Variants in RFTN1 observed in about 807,000 individuals in gnomAD.
RFTN1 encodes raftlin, lipid raft linker 1.
A neutral mutation model predicts 46.5 loss-of-function variants in RFTN1; 26 were observed. The observed-to-expected ratio is 0.56, with a 90% confidence interval of 0.41 to 0.78. The LOEUF is 0.78. Among genes scored for constraint, RFTN1 ranks in the 30% least tolerant of loss-of-function variants. RFTN1 has a pLI of 0.00. For synonymous variants in RFTN1, 261 were observed against 284.2 expected (o/e 0.92, Z 0.82); for missense variants, 693 against 718.7 (o/e 0.96, Z 0.41).
chr3:16,351,080 T>TTATG lies in RFTN1; in HGVS notation c.1146+6848_1146+6851dup, dbSNP rs1385956266. ...GTGTTATTACACAGGATTCACAGGA[T>TTATG]TATGAGACAGGGTTACAGGCCAGAG... On this transcript the variant is annotated intron_variant, in intron 7 of 9. Coordinates refer to ENST00000334133, the MANE Select transcript of RFTN1 (RefSeq NM_015150.2). The surrounding 1 kb of genome is among the most constrained non-coding windows in gnomAD (Gnocchi z 5.4). Among the ~76,000 whole-genome samples, 2 of 152,162 alleles carry TTATG rather than the reference T, an allele frequency of 1.3e-5. No homozygotes were observed. The highest frequency in any genetic ancestry group is 4.8e-5 in the African/African-American group (2 of 41,438).
rs1291550064 is a variant in RFTN1 at position 16,428,427 on chromosome 3, C to T, written c.332+5424G>A. Among the ~76,000 whole-genome samples the T allele has an allele frequency of 6.6e-6, 1 of 152,336 alleles. No homozygotes were observed. The highest frequency in any genetic ancestry group is 1.9e-4 in the East Asian group (1 of 5,190). On this transcript the variant is annotated intron_variant, in intron 3 of 9. Coordinates refer to ENST00000334133, the MANE Select transcript of RFTN1 (RefSeq NM_015150.2). This position sits in a 1 kb window ranked among gnomAD's most constrained non-coding sequence, Gnocchi z 4.7. ...CAGGTAGAGAGATGCCACAGTATTACATTTTATATGCACTTCAAAAGATTT... is the reference window on the plus strand; with the variant it reads ...CAGGTAGAGAGATGCCACAGTATTATATTTTATATGCACTTCAAAAGATTT...
rs2076696389 is a variant in RFTN1, at chr3:16,500,671, T to G, written c.-8-6794A>C. Among the ~76,000 whole-genome samples, 1 of 152,344 alleles carries G rather than the reference T, an allele frequency of 6.6e-6. No homozygotes were observed. Among genetic ancestry groups the G allele is most frequent in the Non-Finnish European group, 1.5e-5 (1 of 68,026 alleles). ...GAATGGTGATCTTCTGGAAAAAATT[T>G]TGGCTGAATCAAACCTTAAGTGGGA... On this transcript the variant is annotated intron_variant, in intron 1 of 9. Coordinates refer to ENST00000334133, the MANE Select transcript of RFTN1 (RefSeq NM_015150.2). This position sits in a 1 kb window ranked among gnomAD's most constrained non-coding sequence, Gnocchi z 5.9.
At position 16,370,985 on chromosome 3, in the gene RFTN1, C is replaced by A. The variant is rs1329993712; in HGVS notation, c.827-706G>T. 3 of 152,220 alleles carry A rather than the reference C, an allele frequency of 2.0e-5. No homozygotes were observed. The highest frequency in any genetic ancestry group is 4.4e-5 in the Non-Finnish European group (3 of 68,052). The allele number at this position is 152,220 out of a possible 1,614,324, so 9.4% of individuals were successfully genotyped here. ...TAATCACTGCCACCCAGCAGCTGAG[C>A]CGCAACTGCCTACGTGCAGCTGGGC... On this transcript the variant is annotated intron_variant, in intron 5 of 9. Transcript: ENST00000334133. The surrounding 1 kb of genome is among the most constrained non-coding windows in gnomAD (Gnocchi z 5.5).
At chr3:16,328,603 G>T (rs777504567) in intron 7 of RFTN1, among the ~76,000 whole-genome samples, 1 of 152,186 alleles carries the variant, frequency 6.6e-6, no homozygotes, top group Admixed American at 6.5e-5. Flanking sequence ...GGTCTATGTC[G>T]GTTCCCAAAG....
intron 4 of RFTN1, among the ~76,000 whole-genome samples, chr3:16,399,451 T>G (rs1438133199): frequency 6.6e-6 from 1 of 152,180 alleles, no homozygotes; most frequent in East Asian, 1.9e-4. Context: ...CAATAGCTGT[T>G]TCTGACATTA....
chr3:16,465,285 A>G lies in RFTN1; in HGVS notation c.145+28440T>C, dbSNP rs9861696. Among the ~76,000 whole-genome samples the G allele has an allele frequency of 0.18, 27,264 of 151,788 alleles. 2,766 individuals are homozygous for G. Among genetic ancestry groups the G allele is most frequent in the East Asian group, 0.26 (1,345 of 5,162 alleles). On this transcript the variant is annotated intron_variant, in intron 2 of 9. Transcript: ENST00000334133. The surrounding 1 kb of genome is among the most constrained non-coding windows in gnomAD (Gnocchi z 5.1). ...TTGTTGTTGTTCAGAAAATGAACATATAAGGAAGAAAAATGAGAAGTATCC... is the reference window on the plus strand; with the variant it reads ...TTGTTGTTGTTCAGAAAATGAACATGTAAGGAAGAAAAATGAGAAGTATCC...
intron 4 of RFTN1, among the ~76,000 whole-genome samples, chr3:16,406,303 TG>T (rs1353127692): frequency 6.6e-6 from 1 of 152,210 alleles, no homozygotes; most frequent in African/African-American, 2.4e-5. Context: ...TCATGGCAAC[TG>T]GACTAGAAAC....
rs2075919831 is a variant in RFTN1 at position 16,457,004 on chromosome 3, T to G, written c.146-22967A>C. Among the ~76,000 whole-genome samples, 2 of 149,950 alleles carry G rather than the reference T, an allele frequency of 1.3e-5. No homozygotes were observed. Among genetic ancestry groups the G allele is most frequent in the South Asian group, 4.2e-4 (2 of 4,726 alleles). ...CTGTGTATTATGTGTCAATAAAAAG[T>G]TTTTTTTTTAAATGACAGATGCCAT... On this transcript the variant is annotated intron_variant, in intron 2 of 9. Transcript: ENST00000334133. This position sits in a 1 kb window ranked among gnomAD's most constrained non-coding sequence, Gnocchi z 4.2.
At position 16,489,204 on chromosome 3, in the gene RFTN1, G is replaced by T. The variant is rs1312385010; in HGVS notation, c.145+4521C>A. On this transcript the variant is annotated intron_variant, in intron 2 of 9. Coordinates refer to ENST00000334133, the MANE Select transcript of RFTN1 (RefSeq NM_015150.2). This position sits in a 1 kb window ranked among gnomAD's most constrained non-coding sequence, Gnocchi z 4.0. ...AAGCTGAGGCAGGCAGATCACCTGA[G>T]ATCAGGAGTTCGAGACCAGCCTGGC... is the stretch of plus-strand genomic sequence containing the variant. Among the ~76,000 whole-genome samples, 1 of 152,208 alleles carries T rather than the reference G, an allele frequency of 6.6e-6. No homozygotes were observed. Among genetic ancestry groups the T allele is most frequent in the Non-Finnish European group, 1.5e-5 (1 of 68,048 alleles).
chr3:16,497,440 A>T (rs1234746821), intron 1 of RFTN1, among the ~76,000 whole-genome samples: 1 of 152,240 alleles, frequency 6.6e-6, no homozygotes, highest in Admixed American at 6.5e-5. Flanking sequence ...AGAAGGCGAA[A>T]GGACTCTTCT....
intron 2 of RFTN1, among the ~76,000 whole-genome samples, chr3:16,467,484 T>C (rs1361718110): frequency 6.6e-6 from 1 of 152,182 alleles, no homozygotes; most frequent in Non-Finnish European, 1.5e-5. Context: ...TCCTCATCTC[T>C]ACTGGATCCA....
intron 3 of RFTN1, chr3:16,416,321 A>G: frequency 2.5e-6 from 1 of 394,064 alleles, no homozygotes; most frequent in South Asian, 1.9e-5. Context: ...GAGGCAATGG[A>G]GAAGCAACTA....
At position 16,475,126 on chromosome 3, in the gene RFTN1, C is replaced by T. The variant is rs932077941; in HGVS notation, c.145+18599G>A. Among the ~76,000 whole-genome samples the T allele has an allele frequency of 2.0e-5, 3 of 152,168 alleles. No individual in the cohort carries two copies. Among genetic ancestry groups the T allele is most frequent in the Non-Finnish European group, 2.9e-5 (2 of 68,028 alleles). On this transcript the variant is annotated intron_variant, in intron 2 of 9. Coordinates refer to ENST00000334133, the MANE Select transcript of RFTN1 (RefSeq NM_015150.2). The surrounding 1 kb of genome is among the most constrained non-coding windows in gnomAD (Gnocchi z 4.2). ...TCCTCGTCTCTTGCTTCCTCTCTCACCATGTGACACACCAGCTCCCCTTCC... is the reference window on the plus strand; with the variant it reads ...TCCTCGTCTCTTGCTTCCTCTCTCATCATGTGACACACCAGCTCCCCTTCC...
Position 16,317,055 on chromosome 3 carries a change from C to T in RFTN1, c.1510G>A (p.Val504Ile). ...ACAGGGCCCTTCATCTCCTCGGAGA[C>T]TCCACCCTCCTGCTGCTGTCCTGAA... is the stretch of plus-strand genomic sequence containing the variant. ...CVSGQQQEGG[V>I]SEEMKGPVQE... The change falls in exon 10 of 10, where the codon GTC (valine) becomes ATC (isoleucine). Residue 504 changes from valine (V) to isoleucine (I), a missense_variant. Physicochemically the swap from Val to Ile is conservative, Grantham distance 29 (BLOSUM62 3). Coordinates refer to ENST00000334133, the MANE Select transcript of RFTN1 (RefSeq NM_015150.2). This position sits in a 1 kb window ranked among gnomAD's most constrained non-coding sequence, Gnocchi z 4.3. 6.2e-7 allele frequency: 1 copy of T among 1,613,906 alleles called. No homozygotes were observed. Among genetic ancestry groups the T allele is most frequent in the Non-Finnish European group, 8.5e-7 (1 of 1,179,988 alleles).
At chr3:16,408,176 A>G (rs2074904497) in intron 4 of RFTN1, among the ~76,000 whole-genome samples, 1 of 151,742 alleles carries the variant, frequency 6.6e-6, no homozygotes, top group East Asian at 1.9e-4. Context: ...GCCCTCATGT[A>G]CACTGTTCCC....
chr3:16,404,448 T>G (rs563767572), intron 4 of RFTN1, among the ~76,000 whole-genome samples: 61 of 113,768 alleles, frequency 5.4e-4, no homozygotes, highest in Middle Eastern at 3.7e-3. Flanking sequence ...TTCTCCTGGT[T>G]TCCTGTATTT....
intron 2 of RFTN1, among the ~76,000 whole-genome samples, chr3:16,491,844 T>A (rs2076543844): frequency 6.6e-6 from 1 of 152,134 alleles, no homozygotes; most frequent in Non-Finnish European, 1.5e-5. Context: ...ATCCTAATAC[T>A]TAACATCTTG....
intron 9 of RFTN1, among the ~76,000 whole-genome samples, chr3:16,318,553 A>G (rs1481550467): frequency 2.0e-5 from 3 of 152,206 alleles, no homozygotes; most frequent in African/African-American, 7.2e-5. Flanking sequence ...CACGGTAGAG[A>G]TCTGTTTCCT....
At chr3:16,328,171 G>A (rs990260606) in intron 7 of RFTN1, among the ~76,000 whole-genome samples, 1 of 152,272 alleles carries the variant, frequency 6.6e-6, no homozygotes, top group Admixed American at 6.5e-5. Flanking sequence ...CTCTGGCAGG[G>A]CCATGGGACT....
Sources: allele counts gnomAD v4.1 joint callset (sites outside exome capture counted in the v4.1 genomes callset), GRCh38; gene constraint gnomAD v4.1.1; non-coding constraint Gnocchi (gnomAD v3.1); transcripts MANE v1.5; gene names NCBI Gene and HGNC (gene_info 2026-07-23, HGNC 2026-07-21).